Variants in STRIP2 observed in about 807,000 individuals in gnomAD.
The protein encoded by STRIP2 is striatin-interacting protein 2.
STRIP2 carries 84 observed loss-of-function variants against 107.1 expected under a neutral mutation model. That is an observed-to-expected ratio of 0.78 (90% CI 0.66 to 0.94). The LOEUF (loss-of-function observed/expected upper bound fraction) is 0.94, where lower values mean the gene tolerates loss of function less well. STRIP2 is among the 40% of genes least tolerant of loss of function. The pLI, the probability that STRIP2 is intolerant of heterozygous loss-of-function variation, is 0.00. For missense variants in STRIP2, 888 were observed against 1,034.2 expected (o/e 0.86, Z 1.94); for synonymous variants, 394 against 400.4 (o/e 0.98, Z 0.19).
rs1799232839 is a variant in STRIP2, at chr7:129,485,789, C to CA, written c.2466dup (p.Gln823ThrfsTer24). ...CTCTGGCTCGAGAGAGAGGTGTTTT[C>CA]ACAGCCCATCTGTTGGGAGGAGCTG... On this transcript the variant is annotated frameshift_variant, in exon 21 of 21. Transcript: ENST00000249344. LOFTEE classifies it high-confidence loss of function. 6.2e-7 allele frequency: 1 copy of CA among 1,614,004 alleles called. No homozygotes were observed. The highest frequency in any genetic ancestry group is 8.5e-7 in the Non-Finnish European group (1 of 1,180,048).
At position 129,467,281 on chromosome 7, in the gene STRIP2, CT is replaced by C. The variant is rs894493820; in HGVS notation, c.1777-62del. The C allele has an allele frequency of 5.2e-6, 6 of 1,151,196 alleles. No homozygotes were observed. The African/African-American group carries it at 6.1e-5, about 12-fold the overall frequency. The allele number at this position is 1,151,196 out of a possible 1,614,324, so 71.3% of individuals were successfully genotyped here. A position where few individuals can be genotyped will look rare whatever the true frequency, so the allele number is the denominator to read the frequency against. On this transcript the variant is annotated intron_variant, in intron 16 of 20. Coordinates refer to ENST00000249344, the MANE Select transcript of STRIP2 (RefSeq NM_020704.3). ...TGGATATTAGATTTGTATTTCCTCT[CT>C]TTTTTTCAAACATACTTTCCATTCT...
intron 17 of STRIP2, among the ~76,000 whole-genome samples, chr7:129,467,754 A>G (rs1357342344): frequency 6.6e-6 from 1 of 152,046 alleles, no homozygotes; most frequent in Non-Finnish European, 1.5e-5. Context: ...TTGTGAAACA[A>G]CCTGCTTGTC....
chr7:129,473,501 G>A (rs550324658), intron 18 of STRIP2, among the ~76,000 whole-genome samples: 4 of 152,012 alleles, frequency 2.6e-5, no homozygotes, highest in East Asian at 3.9e-4. Context: ...GTAGCTGGGT[G>A]TAGGTGGGAC....
At chr7:129,470,190 A>G (rs1798758869) in intron 17 of STRIP2, among the ~76,000 whole-genome samples, 1 of 152,192 alleles carries the variant, frequency 6.6e-6, no homozygotes, top group South Asian at 2.1e-4. Context: ...ATCATTCCCC[A>G]GAGCTCCCAG....
At chr7:129,453,405 CATGTTCT>C in intron 5 of STRIP2, 58 bp downstream of exon 5, 1 of 1,603,778 alleles carries the variant, frequency 6.2e-7, no homozygotes, top group Non-Finnish European at 8.5e-7. Flanking sequence ...AAAGGGGCCT[CATGTTCT>C]ATGCTGCTTC....
chr7:129,469,520 G>A (rs1798744959), intron 17 of STRIP2, among the ~76,000 whole-genome samples: 1 of 152,230 alleles, frequency 6.6e-6, no homozygotes, highest in African/African-American at 2.4e-5. Flanking sequence ...GGAGGTGGGT[G>A]GATAGGTGGA....
intron 18 of STRIP2, chr7:129,477,780 G>C: frequency 4.1e-6 from 1 of 245,968 alleles, no homozygotes; most frequent in South Asian, 4.6e-5. Context: ...TAATGAGGTG[G>C]GTGATGCCAG....
At chr7:129,438,047 C>T (rs1435279755) in intron 1 of STRIP2, among the ~76,000 whole-genome samples, 3 of 152,088 alleles carry the variant, frequency 2.0e-5, no homozygotes, top group African/African-American at 7.2e-5. Context: ...CCTCGTAATC[C>T]GCCCACCTCG....
At chr7:129,474,299 C>G (rs1473398404) in intron 18 of STRIP2, among the ~76,000 whole-genome samples, 1 of 152,012 alleles carries the variant, frequency 6.6e-6, no homozygotes, top group Admixed American at 6.6e-5. Context: ...TGCCACTATG[C>G]TTGGCTAATT....
At chr7:129,481,884 T>C (rs1447563347) in intron 19 of STRIP2, among the ~76,000 whole-genome samples, 1 of 152,098 alleles carries the variant, frequency 6.6e-6, no homozygotes, top group Admixed American at 6.6e-5. Flanking sequence ...AAAACAAAAG[T>C]AGGCTGGGTG....
intron 4 of STRIP2, 42 bp downstream of exon 4, chr7:129,451,789 G>A: frequency 3.1e-6 from 5 of 1,610,694 alleles, no homozygotes; most frequent in Non-Finnish European, 4.2e-6. Flanking sequence ...GTGGAGGCTT[G>A]AGAGGGAAGT....
intron 5 of STRIP2, 81 bp downstream of exon 5, chr7:129,453,428 C>CT: frequency 6.4e-7 from 1 of 1,553,750 alleles, no homozygotes; most frequent in Non-Finnish European, 8.7e-7. Flanking sequence ...GCTTCCCTCA[C>CT]TATAGAGACC....
At chr7:129,454,059 T>C in intron 5 of STRIP2, 83 bp from the exon 6 acceptor site, 1 of 1,311,160 alleles carries the variant, frequency 7.6e-7, no homozygotes, top group Admixed American at 1.8e-5. Flanking sequence ...TGGCAAGCAC[T>C]CATATTTGTG....
At chr7:129,451,181 C>T (rs893373123) in intron 3 of STRIP2, among the ~76,000 whole-genome samples, 5 of 151,928 alleles carry the variant, frequency 3.3e-5, no homozygotes, top group Admixed American at 6.6e-5. Flanking sequence ...CCTCGTGATC[C>T]GCCCGCCTCG....
Position 129,487,261 on chromosome 7 carries a change from C to T in STRIP2, c.*1432C>T, listed in dbSNP as rs575172004. The T allele has an allele frequency of 3.5e-4, 53 of 152,148 alleles. No homozygotes were observed. The highest frequency in any genetic ancestry group is 3.4e-3 in the Middle Eastern group (1 of 298). 9.4% of individuals were successfully genotyped at this position (152,148 alleles called of 1,614,324 possible). A position where few individuals can be genotyped will look rare whatever the true frequency, so the allele number is the denominator to read the frequency against. On this transcript the variant is annotated 3_prime_UTR_variant, in exon 21 of 21. Coordinates refer to ENST00000249344, the MANE Select transcript of STRIP2 (RefSeq NM_020704.3). The stretch of plus-strand genomic sequence containing the variant: ...AACTCCTGACCTCAGGTGATCCGCC[C>T]GCCTCCACCTCCCAGGGTGCTGGGA...
At position 129,471,907 on chromosome 7, in the gene STRIP2, T is replaced by C. The variant is rs191564566; in HGVS notation, c.1944+1192T>C. On this transcript the variant is annotated intron_variant, in intron 18 of 20. Coordinates refer to ENST00000249344, the MANE Select transcript of STRIP2 (RefSeq NM_020704.3). ...GCCAAAGAAGTTGGAAGCTTTTTAT[T>C]CCTACAGAGAAGTAATAAATTGTCT... is the stretch of plus-strand genomic sequence containing the variant. Among the ~76,000 whole-genome samples the C allele has an allele frequency of 9.4e-3, 1,439 of 152,318 alleles. 16 individuals are homozygous for C. The highest frequency in any genetic ancestry group is 0.013 in the Non-Finnish European group (854 of 68,028).
At chr7:129,467,565 C>CTG (rs1798700895) in intron 17 of STRIP2, 115 bp downstream of exon 17, 3 of 605,150 alleles carry the variant, frequency 5.0e-6, no homozygotes, top group Non-Finnish European at 8.4e-6. Flanking sequence ...TGTCTTAGAG[C>CTG]TGTCACTGTT....
Position 129,470,706 on chromosome 7 carries a change from T to C in STRIP2, c.1935T>C (p.Thr645=), listed in dbSNP as rs1042083103. 2 of 1,613,634 alleles carry C rather than the reference T, an allele frequency of 1.2e-6. No homozygotes were observed. The highest frequency in any genetic ancestry group is 2.2e-5 in the South Asian group (2 of 91,076). ...CTIQDLPELT[T]ESLEAGDNSQ... ...TCCAGGATTTGCCGGAGCTTACTAC[T>C]GAAAGTCTGGTAAGCAGATGGGGAT... The change falls in exon 18 of 21, where the codon ACT becomes ACC. Residue 645 remains threonine (T), a synonymous_variant. Transcript: ENST00000249344.
intron 17 of STRIP2, among the ~76,000 whole-genome samples, chr7:129,468,607 G>A (rs1798725517): frequency 6.6e-6 from 1 of 152,158 alleles, no homozygotes; most frequent in Non-Finnish European, 1.5e-5. Context: ...ACGGAGACCT[G>A]TGCACTGGCC....
Sources: gnomAD v4.1 joint callset for allele counts (sites outside exome capture counted in the v4.1 genomes callset) on GRCh38, gnomAD v4.1.1 for gene constraint, MANE v1.5 for transcripts, NCBI Gene and HGNC (gene_info 2026-07-23, HGNC 2026-07-21) for gene names.